The following DENND1A variants were observed in gnomAD, a reference collection of about 807,000 sequenced individuals.
The protein encoded by DENND1A is DENN domain containing 1A, also known as DENN domain-containing protein 1A.
In DENND1A, 51 loss-of-function variants were observed where a neutral mutation model predicts 113.7. That is an observed-to-expected ratio of 0.45 (90% CI 0.36 to 0.57). DENND1A has a LOEUF of 0.57. DENND1A is among the 20% of genes least tolerant of loss of function. The pLI is 0.00. For missense variants in DENND1A, 1,258 were observed against 1,395.9 expected, an observed-to-expected ratio of 0.90 and a Z score of 1.57; for synonymous variants, 565 against 570.8, an observed-to-expected ratio of 0.99 and a Z score of 0.14.
chr9:123,833,122 CAAAAAAA>C (rs1163844269), intron 2 of DENND1A, among the ~76,000 whole-genome samples: 1,018 of 27,476 alleles, frequency 0.037, 13 homozygotes, highest in African/African-American at 0.11. Flanking sequence ...GACCTCATCT[CAAAAAAA>C]AAAAAAAAAA....
intron 5 of DENND1A, among the ~76,000 whole-genome samples, chr9:123,697,139 G>A (rs1203305048): frequency 1.3e-5 from 2 of 152,106 alleles, no homozygotes; most frequent in Non-Finnish European, 2.9e-5. Context: ...TATTTTGCTT[G>A]CCATTTTAAC....
intron 1 of DENND1A, among the ~76,000 whole-genome samples, chr9:123,913,230 CA>C (rs1330973895): frequency 3.3e-5 from 5 of 150,916 alleles, no homozygotes; most frequent in African/African-American, 4.9e-5. Context: ...ATTTTTCAGA[CA>C]TGCGAGAACC....
chr9:123,679,939 G>A (rs1033561427), intron 5 of DENND1A, among the ~76,000 whole-genome samples: 2 of 152,188 alleles, frequency 1.3e-5, no homozygotes, highest in South Asian at 4.2e-4. Context: ...TCCCCACTGC[G>A]GAGTACCACA....
chr9:123,901,786 C>G (rs1043803061), intron 1 of DENND1A, among the ~76,000 whole-genome samples: 1 of 152,002 alleles, frequency 6.6e-6, no homozygotes, highest in Non-Finnish European at 1.5e-5. Flanking sequence ...GGGTGGATCA[C>G]GAGGTCAGAA....
At chr9:123,414,468 G>A (rs1307016459) in intron 19 of DENND1A, 3 of 1,516,314 alleles carry the variant, frequency 2.0e-6, no homozygotes, top group African/African-American at 1.4e-5. Flanking sequence ...CTCACAGGGT[G>A]TCTGCTGAGA....
At chr9:123,778,540 C>T (rs1490651555) in intron 3 of DENND1A, among the ~76,000 whole-genome samples, 1 of 152,144 alleles carries the variant, frequency 6.6e-6, no homozygotes, top group African/African-American at 2.4e-5. Flanking sequence ...TCATGTGTAA[C>T]TTATAACCTA....
At chr9:123,796,368 C>T (rs899485103) in intron 2 of DENND1A, among the ~76,000 whole-genome samples, 2 of 152,164 alleles carry the variant, frequency 1.3e-5, no homozygotes, top group Non-Finnish European at 2.9e-5. Context: ...CATGACCATG[C>T]TTAAAAAGCT....
At chr9:123,829,791 T>G (rs1311491594) in intron 2 of DENND1A, among the ~76,000 whole-genome samples, 1 of 152,142 alleles carries the variant, frequency 6.6e-6, no homozygotes, top group African/African-American at 2.4e-5. Flanking sequence ...CTTCCAACCT[T>G]TTAAGGAACA....
At chr9:123,695,344 T>G (rs967593187) in intron 5 of DENND1A, among the ~76,000 whole-genome samples, 3 of 152,152 alleles carry the variant, frequency 2.0e-5, no homozygotes, top group Non-Finnish European at 4.4e-5. Context: ...TTATAAATCA[T>G]TCTATTTCAA....
intron 13 of DENND1A, among the ~76,000 whole-genome samples, chr9:123,533,719 T>C (rs1328746492): frequency 1.3e-5 from 2 of 152,192 alleles, no homozygotes; most frequent in Non-Finnish European, 2.9e-5. Flanking sequence ...GGAATTTACT[T>C]GTCCAATAGA....
intron 2 of DENND1A, among the ~76,000 whole-genome samples, chr9:123,796,714 G>A (rs976982746): frequency 2.7e-4 from 41 of 150,368 alleles, no homozygotes; most frequent in African/African-American, 9.6e-4. Context: ...CTGTGGTTAC[G>A]TATGAGGGCT....
chr9:123,595,091 C>G (rs2059625332), intron 11 of DENND1A, among the ~76,000 whole-genome samples: 1 of 152,172 alleles, frequency 6.6e-6, no homozygotes, highest in Non-Finnish European at 1.5e-5. Context: ...CTCCTTCCTG[C>G]TCCACAAAAT....
chr9:123,708,241 T>G (rs28401331), intron 5 of DENND1A, among the ~76,000 whole-genome samples: 2,318 of 152,284 alleles, frequency 0.015, 51 homozygotes, highest in African/African-American at 0.053. Flanking sequence ...GGCAATAGAC[T>G]CTCCAGTGTT....
intron 1 of DENND1A, among the ~76,000 whole-genome samples, chr9:123,899,269 C>T (rs892923208): frequency 1.3e-5 from 2 of 152,160 alleles, no homozygotes; most frequent in Admixed American, 6.5e-5. Context: ...TCATCCTTCT[C>T]GACCTCAATG....
intron 5 of DENND1A, among the ~76,000 whole-genome samples, chr9:123,744,214 C>T (rs1039200956): frequency 6.6e-6 from 1 of 152,132 alleles, no homozygotes; most frequent in Admixed American, 6.6e-5. Context: ...GGATCCGATC[C>T]CCCACGTCAT....
intron 8 of DENND1A, among the ~76,000 whole-genome samples, chr9:123,656,794 TG>T (rs1564896779): frequency 6.6e-6 from 1 of 152,248 alleles, no homozygotes; most frequent in African/African-American, 2.4e-5. Flanking sequence ...TACTTCTCTG[TG>T]TGACTCACCT....
intron 1 of DENND1A, among the ~76,000 whole-genome samples, chr9:123,892,595 T>C (rs1194352074): frequency 6.6e-6 from 1 of 152,150 alleles, no homozygotes; most frequent in African/African-American, 2.4e-5. Flanking sequence ...TCAGGGTAAA[T>C]AGCTAATACA....
At chr9:123,688,640 G>A (rs2064976233) in intron 5 of DENND1A, among the ~76,000 whole-genome samples, 1 of 152,186 alleles carries the variant, frequency 6.6e-6, no homozygotes, top group Non-Finnish European at 1.5e-5. Context: ...GCCACAGCAT[G>A]AAATAGGCAG....
At chr9:123,813,627 T>G (rs1230186918) in intron 2 of DENND1A, among the ~76,000 whole-genome samples, 1 of 152,142 alleles carries the variant, frequency 6.6e-6, no homozygotes, top group Admixed American at 6.5e-5. Flanking sequence ...TCGGCTTTAC[T>G]TAGACCCGAA....
Sources: gnomAD v4.1 joint callset for allele counts (sites outside exome capture counted in the v4.1 genomes callset) on GRCh38, gnomAD v4.1.1 for gene constraint, MANE v1.5 for transcripts, NCBI Gene and HGNC (gene_info 2026-07-23, HGNC 2026-07-21) for gene names.